The following CABIN1 variants were observed in gnomAD, a reference collection of about 807,000 sequenced individuals.
CABIN1 encodes calcineurin-binding protein cabin-1.
In CABIN1, 133 loss-of-function variants were observed where a neutral mutation model predicts 227.7. That is an observed-to-expected ratio of 0.58 (90% CI 0.51 to 0.67). The LOEUF (loss-of-function observed/expected upper bound fraction) is 0.67, where lower values mean the gene tolerates loss of function less well. CABIN1 is among the 30% of genes least tolerant of loss of function. CABIN1 has a pLI of 0.00. For missense variants in CABIN1, 2,408 were observed against 2,852.5 expected, an observed-to-expected ratio of 0.84 and a Z score of 3.55; for synonymous variants, 1,086 against 1,155.1, an observed-to-expected ratio of 0.94 and a Z score of 1.21.
intron 29 of CABIN1, among the ~76,000 whole-genome samples, chr22:24,147,351 C>A (rs2045207407): frequency 7.3e-6 from 1 of 136,332 alleles, no homozygotes; most frequent in South Asian, 2.5e-4. Context: ...CTCCCTGCCT[C>A]CCTCCCTCCC....
intron 6 of CABIN1, among the ~76,000 whole-genome samples, chr22:24,046,658 G>A (rs1479129681): frequency 6.6e-6 from 1 of 152,166 alleles, no homozygotes; most frequent in Non-Finnish European, 1.5e-5. Flanking sequence ...CCAATAGGAT[G>A]TATGTACATA....
intron 26 of CABIN1, among the ~76,000 whole-genome samples, chr22:24,107,849 T>C (rs1320885171): frequency 6.6e-6 from 1 of 152,194 alleles, no homozygotes; most frequent in East Asian, 1.9e-4. Context: ...CTAGCAAGGC[T>C]TGCTTCCTGG....
intron 1 of CABIN1, among the ~76,000 whole-genome samples, chr22:24,034,058 G>T (rs1490777488): frequency 3.3e-5 from 5 of 152,170 alleles, no homozygotes; most frequent in Non-Finnish European, 5.9e-5. Flanking sequence ...ACATCATCAG[G>T]CATTAGTTAG....
intron 1 of CABIN1, among the ~76,000 whole-genome samples, chr22:24,013,311 C>T (rs573339496): frequency 3.3e-5 from 5 of 151,352 alleles, no homozygotes; most frequent in Non-Finnish European, 5.9e-5. Flanking sequence ...ATTCTCCTGC[C>T]TCAGCCTCCC....
chr22:24,066,639 G>A (rs939099699), intron 15 of CABIN1, among the ~76,000 whole-genome samples: 2 of 152,118 alleles, frequency 1.3e-5, no homozygotes, highest in Non-Finnish European at 1.5e-5. Flanking sequence ...CTGACAACCC[G>A]ATGTTCCGCA....
At chr22:24,122,672 C>G (rs1378465087) in intron 28 of CABIN1, among the ~76,000 whole-genome samples, 2 of 151,998 alleles carry the variant, frequency 1.3e-5, no homozygotes, top group Non-Finnish European at 2.9e-5. Context: ...CACGTCATTT[C>G]ACTCCAGCCT....
At chr22:24,161,118 A>T (rs1164293739) in intron 29 of CABIN1, among the ~76,000 whole-genome samples, 3 of 152,144 alleles carry the variant, frequency 2.0e-5, no homozygotes, top group Non-Finnish European at 2.9e-5. Context: ...GGGGCTTCAT[A>T]AATTATTCAG....
At chr22:24,060,380 G>A (rs532142386) in intron 12 of CABIN1, among the ~76,000 whole-genome samples, 32 of 152,270 alleles carry the variant, frequency 2.1e-4, no homozygotes, top group Admixed American at 6.5e-4. Context: ...GGGCTATCAG[G>A]AGGCTGCTGC....
chr22:24,109,298 C>T (rs777225903), intron 26 of CABIN1, among the ~76,000 whole-genome samples: 1 of 151,084 alleles, frequency 6.6e-6, no homozygotes, highest in African/African-American at 2.4e-5. Flanking sequence ...TATCACTGCT[C>T]AGTGCAGCCT....
chr22:24,173,480 A>C (rs2148796236), intron 34 of CABIN1: 1 of 152,350 alleles, frequency 6.6e-6, no homozygotes, highest in South Asian at 2.1e-4. Context: ...TTTGGGTCAG[A>C]ACCTGTGGCC....
intron 28 of CABIN1, 139 bp from the exon 29 acceptor site, chr22:24,134,163 G>A (rs1214111262): frequency 1.5e-6 from 1 of 688,708 alleles, no homozygotes; most frequent in Non-Finnish European, 2.7e-6. Flanking sequence ...GCAGCCTGGA[G>A]CTGTGGAATC....
chr22:24,070,981 G>A lies in CABIN1; in HGVS notation c.2414G>A (p.Ser805Asn), dbSNP rs1473615644. The A allele has an allele frequency of 3.1e-6, 5 of 1,614,212 alleles. 1 individual carries two copies. The highest frequency in any genetic ancestry group is 3.3e-5 in the Admixed American group (2 of 60,024). ...GCCCTCTCTGCGGACAGCAGTGGTA[G>A]CATCCTGAAGGTATCATCCTCCACC... Reference protein sequence around the residue: ...EQALSADSSGSILKVSSSTTG... With the variant: ...EQALSADSSGNILKVSSSTTG... Residue 805 changes from serine (S) to asparagine (N), a missense_variant, in exon 17 of 37, where the codon AGC (serine) becomes AAC (asparagine). Physicochemically the swap from Ser to Asn is conservative, Grantham distance 46. Around this residue, in one of 3 missense-constraint regions of CABIN1, gnomAD observed 1,045 missense variants for 1,168.4 expected, o/e 0.89. Transcript: ENST00000263119.
rs1043696726 is a variant in CABIN1 at position 24,177,074 on chromosome 22, T to C, written c.6206-430T>C. On this transcript the variant is annotated intron_variant, in intron 35 of 36. Coordinates refer to ENST00000263119, the MANE Select transcript of CABIN1 (RefSeq NM_012295.4). This position sits in a 1 kb window ranked among gnomAD's most constrained non-coding sequence, Gnocchi z 4.4. ...GAGGATGAGGCGAAAGTGGATGCCC[T>C]GGGGCCAGCTCAGTGACCATGCCTG... 5.3e-5 allele frequency among the ~76,000 whole-genome samples: 8 copies of C among 152,228 alleles called. No homozygotes were observed. Among genetic ancestry groups the C allele is most frequent in the African/African-American group, 1.9e-4 (8 of 41,462 alleles).
chr22:24,026,284 G>A (rs928273731), intron 1 of CABIN1, among the ~76,000 whole-genome samples: 12 of 152,336 alleles, frequency 7.9e-5, no homozygotes, highest in African/African-American at 2.6e-4. Flanking sequence ...AGGTTCCAGA[G>A]TTTGAAACAG....
At position 24,038,475 on chromosome 22, in the gene CABIN1, A is replaced by G. The variant is rs1473298441; in HGVS notation, c.210+14A>G. 1 of 1,592,578 alleles carries G rather than the reference A, an allele frequency of 6.3e-7. No individual in the cohort carries two copies. The highest frequency in any genetic ancestry group is 8.6e-7 in the Non-Finnish European group (1 of 1,161,602). ...CTGCTGCGGGAGGTGAGGCATCAGC[A>G]GGCCAGGCAGTGTGCCGTGGTGGTT... On this transcript the variant is annotated intron_variant, in intron 4 of 36. Coordinates refer to ENST00000263119, the MANE Select transcript of CABIN1 (RefSeq NM_012295.4).
intron 1 of CABIN1, among the ~76,000 whole-genome samples, chr22:24,016,124 ATCC>A (rs2035265682): frequency 1.3e-5 from 2 of 152,202 alleles, no homozygotes; most frequent in Non-Finnish European, 2.9e-5. Flanking sequence ...AGAAACCCTG[ATCC>A]ATTAGCAATT....
chr22:24,168,633 G>T, intron 33 of CABIN1, 112 bp downstream of exon 33: 1 of 948,646 alleles, frequency 1.1e-6, no homozygotes. Context: ...CTTGTGGTCA[G>T]CTTGGGCTGA....
intron 18 of CABIN1, among the ~76,000 whole-genome samples, chr22:24,074,327 G>A (rs1482793134): frequency 6.6e-6 from 1 of 152,082 alleles, no homozygotes; most frequent in East Asian, 1.9e-4. Context: ...AAGAGAGAGA[G>A]ATTGGAAAGG....
intron 28 of CABIN1, among the ~76,000 whole-genome samples, chr22:24,127,850 A>G (rs2043829881): frequency 6.6e-6 from 1 of 152,030 alleles, no homozygotes; most frequent in African/African-American, 2.4e-5. Flanking sequence ...GTGATCTAGA[A>G]CAGTTGTATA....
Sources: allele counts gnomAD v4.1 joint callset (sites outside exome capture counted in the v4.1 genomes callset), GRCh38; gene constraint gnomAD v4.1.1; regional missense constraint gnomAD v4.1.1; non-coding constraint Gnocchi (gnomAD v3.1); transcripts MANE v1.5; gene names NCBI Gene and HGNC (gene_info 2026-07-23, HGNC 2026-07-21).